SENP6: variants seen among roughly 807,000 people sequenced by gnomAD.
SENP6 encodes SUMO specific peptidase 6.
SENP6 carries 41 observed loss-of-function variants against 134.5 expected under a neutral mutation model. That is an observed-to-expected ratio of 0.30 (90% CI 0.24 to 0.40). The LOEUF is 0.40. SENP6 is among the 10% of genes least tolerant of loss of function. The pLI is 1.00. For synonymous variants in SENP6, 395 were observed against 429.8 expected (o/e 0.92, Z 1.00); for missense variants, 1,248 against 1,312.5 (o/e 0.95, Z 0.76).
chr6:75,613,984 A>G (rs566176434), intron 1 of SENP6, among the ~76,000 whole-genome samples: 1 of 152,292 alleles, frequency 6.6e-6, no homozygotes, highest in South Asian at 2.1e-4. Flanking sequence ...AGCTTTTCAG[A>G]CTTTGTCTTT....
intron 19 of SENP6, among the ~76,000 whole-genome samples, chr6:75,706,094 A>T (rs1775393059): frequency 6.6e-6 from 1 of 151,244 alleles, no homozygotes; most frequent in African/African-American, 2.4e-5. Flanking sequence ...GGTGCGCACC[A>T]CCTCACCCGA....
chr6:75,702,573 A>G, intron 18 of SENP6, 72 bp from the exon 19 acceptor site: 1 of 1,316,402 alleles, frequency 7.6e-7, no homozygotes, highest in Non-Finnish European at 1.0e-6. Flanking sequence ...AAAACATTTT[A>G]ATTGATATGT....
intron 1 of SENP6, among the ~76,000 whole-genome samples, chr6:75,618,692 T>C (rs182353681): frequency 1.1e-3 from 169 of 152,326 alleles, no homozygotes; most frequent in African/African-American, 3.8e-3. Flanking sequence ...TACATCTGTG[T>C]ATGTATTAAA....
intron 7 of SENP6, among the ~76,000 whole-genome samples, chr6:75,651,728 A>G (rs1204757548): frequency 1.3e-5 from 2 of 152,260 alleles, no homozygotes; most frequent in African/African-American, 4.8e-5. Flanking sequence ...TTCTATGCAC[A>G]TATACTCATT....
chr6:75,622,924 T>A, intron 2 of SENP6: 1 of 698,390 alleles, frequency 1.4e-6, no homozygotes, highest in Non-Finnish European at 2.0e-6. Context: ...ATACTTTTTC[T>A]GATTACTTTA....
chr6:75,604,226 CT>C (rs1204786811), intron 1 of SENP6, among the ~76,000 whole-genome samples: 1 of 152,230 alleles, frequency 6.6e-6, no homozygotes, highest in Non-Finnish European at 1.5e-5. Flanking sequence ...ACTACTTTTA[CT>C]TTATTCTAAT....
At chr6:75,697,288 C>A (rs1774723587) in intron 17 of SENP6, 137 bp from the exon 18 acceptor site, 1 of 590,072 alleles carries the variant, frequency 1.7e-6, no homozygotes, top group East Asian at 2.8e-5. Flanking sequence ...GTTCTATTTT[C>A]TTTCCCCAGT....
chr6:75,690,047 G>A (rs941469319), intron 16 of SENP6, among the ~76,000 whole-genome samples: 1 of 152,102 alleles, frequency 6.6e-6, no homozygotes, highest in African/African-American at 2.4e-5. Context: ...AAGTAGCTGG[G>A]ACTACAGGTG....
At chr6:75,715,289 T>G in intron 23 of SENP6, 96 bp from the exon 24 acceptor site, 1 of 898,512 alleles carries the variant, frequency 1.1e-6, no homozygotes, top group Non-Finnish European at 1.8e-6. Context: ...GAATGCGTTG[T>G]TGGGTTTTCT....
At chr6:75,618,200 A>G (rs1013629264) in intron 1 of SENP6, among the ~76,000 whole-genome samples, 2 of 152,142 alleles carry the variant, frequency 1.3e-5, no homozygotes, top group Non-Finnish European at 2.9e-5. Flanking sequence ...TGGAGAAGGG[A>G]GTATATGCTT....
chr6:75,699,831 G>T (rs1424553988), intron 18 of SENP6, among the ~76,000 whole-genome samples: 1 of 151,988 alleles, frequency 6.6e-6, no homozygotes, highest in Non-Finnish European at 1.5e-5. Flanking sequence ...ATTAAAAATT[G>T]TTATAGTAAT....
chr6:75,688,228 T>C (rs1376274446), intron 16 of SENP6, among the ~76,000 whole-genome samples: 1 of 152,228 alleles, frequency 6.6e-6, no homozygotes, highest in Admixed American at 6.5e-5. Flanking sequence ...TCACCTTGTC[T>C]GCTGGTTGCT....
intron 1 of SENP6, among the ~76,000 whole-genome samples, chr6:75,618,014 A>G (rs755135132): frequency 3.9e-5 from 6 of 152,228 alleles, no homozygotes; most frequent in Non-Finnish European, 8.8e-5. Flanking sequence ...ATTAAAGGGT[A>G]CATGCCATGA....
Position 75,679,036 on chromosome 6 carries a change from A to G in SENP6, c.2075+109A>G, listed in dbSNP as rs530571120. ...TTGAGTTTTAAATTCCATCTCTGCC[A>G]CTTACTGTGTGACATTTGGGGAGTT... is the stretch of plus-strand genomic sequence containing the variant. On this transcript the variant is annotated intron_variant, in intron 16 of 23. Transcript: ENST00000447266. The G allele has an allele frequency of 1.1e-5, 7 of 618,440 alleles. No individual in the cohort carries two copies. The South Asian group carries it at 1.4e-4, about 12-fold the overall frequency. The allele number at this position is 618,440 out of a possible 1,614,324, so 38.3% of individuals were successfully genotyped here.
chr6:75,622,360 T>A (rs1055827478), intron 2 of SENP6, among the ~76,000 whole-genome samples: 2 of 152,180 alleles, frequency 1.3e-5, no homozygotes, highest in East Asian at 3.9e-4. Context: ...GAGTTCAAGA[T>A]CAGCTTGGCC....
At chr6:75,670,863 G>A (rs574352089) in intron 11 of SENP6, 143 bp downstream of exon 11, 45 of 329,022 alleles carry the variant, frequency 1.4e-4, no homozygotes, top group African/African-American at 8.7e-4. Context: ...TGCTTTAAGA[G>A]TATATAAATA....
At chr6:75,630,848 TAA>T (rs34235206) in intron 3 of SENP6, among the ~76,000 whole-genome samples, 10 of 149,310 alleles carry the variant, frequency 6.7e-5, no homozygotes, top group South Asian at 4.2e-4. Flanking sequence ...AACCATCATT[TAA>T]AAAAAAAAAT....
chr6:75,655,598 T>C (rs776394431), intron 7 of SENP6, among the ~76,000 whole-genome samples: 9 of 152,232 alleles, frequency 5.9e-5, no homozygotes, highest in South Asian at 2.1e-4. Flanking sequence ...CAGGATCTTA[T>C]TTTGAGACTC....
intron 18 of SENP6, among the ~76,000 whole-genome samples, chr6:75,702,073 G>T (rs994240311): frequency 2.0e-5 from 3 of 151,484 alleles, no homozygotes; most frequent in Admixed American, 6.6e-5. Context: ...ACAAGAAAGC[G>T]TTCAGGGATT....
Sources: allele counts gnomAD v4.1 joint callset (sites outside exome capture counted in the v4.1 genomes callset), GRCh38; gene constraint gnomAD v4.1.1; transcripts MANE v1.5; gene names NCBI Gene and HGNC (gene_info 2026-07-23, HGNC 2026-07-21).